The following MTDH variants were observed in gnomAD, a reference collection of about 807,000 sequenced individuals.
MTDH encodes protein LYRIC.
In MTDH, 34 loss-of-function variants were observed where a neutral mutation model predicts 72.7. The observed-to-expected ratio is 0.47, with a 90% CI of 0.36 to 0.62. The LOEUF (loss-of-function observed/expected upper bound fraction) is 0.62. Ranked by LOEUF, MTDH falls within the 20% of genes least tolerant of loss-of-function variation. MTDH has a pLI of 0.00. For missense variants in MTDH, 677 were observed against 699.4 expected, an observed-to-expected ratio of 0.97 and a Z score of 0.36; for synonymous variants, 266 against 268.9, an observed-to-expected ratio of 0.99 and a Z score of 0.10.
intron 2 of MTDH, among the ~76,000 whole-genome samples, chr8:97,664,299 G>T (rs1472500338): frequency 2.6e-5 from 4 of 151,804 alleles, no homozygotes; most frequent in Non-Finnish European, 5.9e-5. Flanking sequence ...GAGGTTGTAG[G>T]GAGCTGAGAT....
chr8:97,651,109 A>C (rs1394538033), intron 1 of MTDH, among the ~76,000 whole-genome samples: 1 of 152,226 alleles, frequency 6.6e-6, no homozygotes, highest in Non-Finnish European at 1.5e-5. Context: ...TAAAGTTCCC[A>C]CTGAATTAGC....
chr8:97,722,729 T>TA, intron 10 of MTDH, 150 bp from the exon 11 acceptor site: 1 of 545,594 alleles, frequency 1.8e-6, no homozygotes, highest in Non-Finnish European at 3.0e-6. Flanking sequence ...TTTGGCTGTA[T>TA]CACTAGAGGG....
intron 1 of MTDH, among the ~76,000 whole-genome samples, chr8:97,654,143 T>C (rs1811877009): frequency 6.6e-6 from 1 of 152,210 alleles, no homozygotes. Context: ...TCTTTACCAC[T>C]AAAGGAAATA....
At chr8:97,662,365 G>A (rs1213171394) in intron 2 of MTDH, among the ~76,000 whole-genome samples, 2 of 149,782 alleles carry the variant, frequency 1.3e-5, no homozygotes, top group Non-Finnish European at 3.0e-5. Flanking sequence ...AAAAAATCCT[G>A]TCTATGCATA....
intron 5 of MTDH, 33 bp downstream of exon 5, chr8:97,689,136 GC>G: frequency 7.6e-7 from 1 of 1,317,014 alleles, no homozygotes; most frequent in Non-Finnish European, 1.1e-6. Context: ...TAAATTGAAG[GC>G]CCATCAAAAT....
In MTDH at chr8:97,697,196, G is replaced by A. The variant is rs377278965; in HGVS notation, c.1049-2558G>A. ...TTTACTAATTTTGTAGTTCCGCAGC[G>A]TCTGGAATCACTAACCTAGAAAGGG... On this transcript the variant is annotated intron_variant, in intron 6 of 11. Coordinates refer to ENST00000336273, the MANE Select transcript of MTDH (RefSeq NM_178812.4). 1.6e-3 allele frequency among the ~76,000 whole-genome samples: 219 copies of A among 134,426 alleles called. 9 individuals carry two copies. In the South Asian group the frequency reaches 0.049, roughly 30 times the overall value. 88.2% of individuals were successfully genotyped at this position (134,426 alleles called of 152,430 possible).
chr8:97,699,996 T>C, intron 7 of MTDH, 144 bp downstream of exon 7: 1 of 467,312 alleles, frequency 2.1e-6, no homozygotes, highest in Non-Finnish European at 3.7e-6. Flanking sequence ...AATGTACTAC[T>C]TGAAACCTGA....
intron 1 of MTDH, among the ~76,000 whole-genome samples, chr8:97,652,800 C>G (rs1811825133): frequency 6.6e-6 from 1 of 152,032 alleles, no homozygotes; most frequent in Non-Finnish European, 1.5e-5. Flanking sequence ...ATAGAGTTTT[C>G]TTTTTACCTT....
chr8:97,649,208 T>A (rs2130908602), intron 1 of MTDH, among the ~76,000 whole-genome samples: 1 of 152,326 alleles, frequency 6.6e-6, no homozygotes, highest in Admixed American at 6.5e-5. Flanking sequence ...TATGACTGTA[T>A]TCTAATAGTA....
intron 2 of MTDH, among the ~76,000 whole-genome samples, chr8:97,679,836 C>G (rs1320509224): frequency 2.6e-5 from 4 of 152,092 alleles, no homozygotes; most frequent in Non-Finnish European, 5.9e-5. Flanking sequence ...CATATTTACT[C>G]AGGTATTTAA....
At chr8:97,665,463 G>A (rs1011776735) in intron 2 of MTDH, among the ~76,000 whole-genome samples, 2 of 152,156 alleles carry the variant, frequency 1.3e-5, no homozygotes, top group Non-Finnish European at 2.9e-5. Context: ...CTTACCCTCA[G>A]ATTACAGGCT....
intron 6 of MTDH, among the ~76,000 whole-genome samples, chr8:97,693,556 G>A (rs1373709155): frequency 6.6e-6 from 1 of 152,032 alleles, no homozygotes; most frequent in Non-Finnish European, 1.5e-5. Context: ...TCAAACTCCT[G>A]ACCTCATGAT....
intron 7 of MTDH, among the ~76,000 whole-genome samples, chr8:97,701,893 T>C (rs1814146957): frequency 6.6e-6 from 1 of 152,248 alleles, no homozygotes; most frequent in Non-Finnish European, 1.5e-5. Flanking sequence ...CAAAGTAATA[T>C]GTATCAGAAA....
chr8:97,657,682 A>AT (rs975104889), intron 1 of MTDH, among the ~76,000 whole-genome samples: 4 of 151,678 alleles, frequency 2.6e-5, no homozygotes, highest in African/African-American at 9.7e-5. Context: ...TTTTTAAATT[A>AT]TTTTTTGTAG....
intron 2 of MTDH, among the ~76,000 whole-genome samples, chr8:97,665,673 A>G (rs537110548): frequency 6.6e-6 from 1 of 152,356 alleles, no homozygotes; most frequent in South Asian, 2.1e-4. Context: ...AATGAACACA[A>G]CCTGACATTA....
intron 7 of MTDH, among the ~76,000 whole-genome samples, chr8:97,703,123 G>T (rs951014133): frequency 6.6e-6 from 1 of 152,156 alleles, no homozygotes; most frequent in African/African-American, 2.4e-5. Flanking sequence ...CCAGCACTTT[G>T]GGAAGCCAAG....
intron 2 of MTDH, among the ~76,000 whole-genome samples, chr8:97,674,356 C>G (rs1210159804): frequency 6.6e-6 from 1 of 152,196 alleles, no homozygotes; most frequent in Admixed American, 6.5e-5. Flanking sequence ...CTTTTCTACT[C>G]TTAAGGAGAT....
At chr8:97,649,520 T>C (rs1241440615) in intron 1 of MTDH, among the ~76,000 whole-genome samples, 6 of 152,232 alleles carry the variant, frequency 3.9e-5, no homozygotes, top group Non-Finnish European at 8.8e-5. Flanking sequence ...TACCTTAGGC[T>C]TGTCTCTCAC....
chr8:97,706,189 G>A lies in MTDH; in HGVS notation c.1148-437G>A, dbSNP rs534885639. 5.1e-4 allele frequency among the ~76,000 whole-genome samples: 78 copies of A among 152,276 alleles called. 1 individual carries two copies. The highest frequency in any genetic ancestry group is 1.9e-3 in the African/African-American group (78 of 41,558). ...AGCTCATAAGGATAGGAGAGGTGTA[G>A]TATAAAATGACAGGTAGGGATTGTA... On this transcript the variant is annotated intron_variant, in intron 7 of 11. Transcript: ENST00000336273.
Sources: gnomAD v4.1 joint callset for allele counts (sites outside exome capture counted in the v4.1 genomes callset) on GRCh38, gnomAD v4.1.1 for gene constraint, MANE v1.5 for transcripts, NCBI Gene and HGNC (gene_info 2026-07-23, HGNC 2026-07-21) for gene names.